Variants in LINGO2 observed in about 807,000 individuals in gnomAD.
LINGO2 encodes the protein leucine rich repeat and Ig domain containing 2.
A neutral mutation model predicts 30.6 loss-of-function variants in LINGO2; 14 were observed. The observed-to-expected ratio is 0.46, with a 90% CI of 0.30 to 0.72. The LOEUF (loss-of-function observed/expected upper bound fraction) is 0.72, where lower values mean the gene tolerates loss of function less well. Among genes scored for constraint, LINGO2 ranks in the 30% least tolerant of loss-of-function variants. The probability of loss-of-function intolerance (pLI) is 0.07; values close to 1 mark genes in which losing one functional copy is unlikely to be tolerated. For missense variants in LINGO2, 729 were observed against 751.7 expected, an observed-to-expected ratio of 0.97 and a Z score of 0.35; for synonymous variants, 317 against 288.5, an observed-to-expected ratio of 1.10 and a Z score of -1.00.
intron 3 of LINGO2, among the ~76,000 whole-genome samples, chr9:28,362,223 TG>T (rs1820476076): frequency 2.0e-5 from 3 of 152,092 alleles, no homozygotes; most frequent in Middle Eastern, 3.4e-3. Flanking sequence ...TATGTGTGTG[TG>T]TGTGTGCGCA....
At chr9:29,140,914 A>G in the LINGO2 span, among the ~76,000 whole-genome samples, 1 of 152,028 alleles carries the variant, frequency 6.6e-6, no homozygotes, top group Non-Finnish European at 1.5e-5. Flanking sequence ...CCAATGGAAA[A>G]TACTGTACCC....
the LINGO2 span, among the ~76,000 whole-genome samples, chr9:28,976,447 T>C: frequency 1.2e-4 from 19 of 152,252 alleles, no homozygotes; most frequent in South Asian, 1.9e-3. Flanking sequence ...ATGCAATTGA[T>C]AGAGATAAGC....
At chr9:29,193,544 T>C in the LINGO2 span, among the ~76,000 whole-genome samples, 19 of 152,344 alleles carry the variant, frequency 1.2e-4, no homozygotes, top group African/African-American at 4.3e-4. Context: ...ATAATAAGTA[T>C]AATTTTTATT....
chr9:27,942,853 A>G, the LINGO2 span: 1 of 151,596 alleles, frequency 6.6e-6, no homozygotes, highest in Admixed American at 6.6e-5. Context: ...GATTTGGGGT[A>G]TTCTATACCA....
chr9:29,095,786 T>C, the LINGO2 span, among the ~76,000 whole-genome samples: 1 of 138,566 alleles, frequency 7.2e-6, no homozygotes, highest in Non-Finnish European at 1.6e-5. Context: ...TTCGGTTTCC[T>C]GACAGACACT....
At chr9:28,050,636 A>G (rs1405796479) in intron 4 of LINGO2, among the ~76,000 whole-genome samples, 1 of 150,986 alleles carries the variant, frequency 6.6e-6, no homozygotes, top group Non-Finnish European at 1.5e-5. Flanking sequence ...ATGAACCGAA[A>G]TACCACCCTT....
At chr9:27,941,187 TG>T in the LINGO2 span, 1 of 152,064 alleles carries the variant, frequency 6.6e-6, no homozygotes, top group Admixed American at 6.6e-5. Flanking sequence ...CTGTAATCCC[TG>T]CACTTTGGGA....
chr9:28,848,405 A>ATATATATATATACTGTATATAG, the LINGO2 span, among the ~76,000 whole-genome samples: 1 of 94,344 alleles, frequency 1.1e-5, no homozygotes, highest in African/African-American at 4.3e-5. Flanking sequence ...GTGTATATAT[A>ATATATATATATACTGTATATAG]TATATATATA....
At chr9:28,959,198 CTA>C in the LINGO2 span, among the ~76,000 whole-genome samples, 1 of 89,612 alleles carries the variant, frequency 1.1e-5, no homozygotes, top group Non-Finnish European at 2.9e-5. Context: ...AGAAATAAAC[CTA>C]TGAGACTGAG....
At chr9:29,109,557 TC>T in the LINGO2 span, among the ~76,000 whole-genome samples, 1 of 152,204 alleles carries the variant, frequency 6.6e-6, no homozygotes, top group Admixed American at 6.5e-5. Context: ...ATTTGAAATG[TC>T]TGAAAGTCCA....
chr9:29,167,611 A>C, the LINGO2 span, among the ~76,000 whole-genome samples: 1 of 152,326 alleles, frequency 6.6e-6, no homozygotes, highest in East Asian at 1.9e-4. Context: ...ATTGAGATAA[A>C]GGAAAACAAA....
the LINGO2 span, among the ~76,000 whole-genome samples, chr9:29,071,192 T>TTGTAC: frequency 5.4e-5 from 8 of 148,790 alleles, no homozygotes; most frequent in Non-Finnish European, 8.9e-5. Context: ...TTGTATTGTA[T>TTGTAC]TGTATTGTAT....
the LINGO2 span, among the ~76,000 whole-genome samples, chr9:28,869,440 T>TG: frequency 1.3e-5 from 2 of 150,814 alleles, no homozygotes; most frequent in Non-Finnish European, 3.0e-5. Context: ...GAACAAGGAG[T>TG]GGGGGGAGGG....
chr9:28,772,488 T>C, the LINGO2 span, among the ~76,000 whole-genome samples: 1 of 152,212 alleles, frequency 6.6e-6, no homozygotes, highest in Non-Finnish European at 1.5e-5. Flanking sequence ...CACACACGAA[T>C]AACCAGTAAA....
chr9:28,289,536 G>A (rs1203329783), intron 4 of LINGO2, among the ~76,000 whole-genome samples: 6 of 152,232 alleles, frequency 3.9e-5, no homozygotes, highest in Non-Finnish European at 1.5e-5. Flanking sequence ...GAAAGAAAGT[G>A]CATATCTCAC....
At chr9:28,116,263 G>T (rs1413136024) in intron 4 of LINGO2, among the ~76,000 whole-genome samples, 5 of 18,378 alleles carry the variant, frequency 2.7e-4, no homozygotes, top group African/African-American at 1.3e-3. Flanking sequence ...CTGGCTTGTA[G>T]GGTTTCTGCC....
At chr9:29,136,160 C>A in the LINGO2 span, among the ~76,000 whole-genome samples, 4 of 152,124 alleles carry the variant, frequency 2.6e-5, no homozygotes, top group Non-Finnish European at 5.9e-5. Context: ...ATGTCTAAAT[C>A]CATTTTTAAT....
chr9:28,630,787 A>G (rs1274465621), intron 1 of LINGO2, among the ~76,000 whole-genome samples: 2 of 152,108 alleles, frequency 1.3e-5, no homozygotes, highest in African/African-American at 4.8e-5. Context: ...TGTAGAATCT[A>G]CAGCTAATAC....
chr9:28,761,482 G>GCA, the LINGO2 span, among the ~76,000 whole-genome samples: 7 of 73,080 alleles, frequency 9.6e-5, no homozygotes, highest in East Asian at 5.2e-4. Flanking sequence ...AAATATACAT[G>GCA]CGCACACACA....
Sources: gnomAD v4.1 joint callset for allele counts (sites outside exome capture counted in the v4.1 genomes callset) on GRCh38, gnomAD v4.1.1 for gene constraint, MANE v1.5 for transcripts, NCBI Gene and HGNC (gene_info 2026-07-23, HGNC 2026-07-21) for gene names.